ZNF277: variants seen among roughly 807,000 people sequenced by gnomAD.
The protein encoded by ZNF277 is zinc finger protein 277, also known as nuclear receptor-interacting factor 4.
A neutral mutation model predicts 60.7 loss-of-function variants in ZNF277; 55 were observed. The observed-to-expected ratio is 0.91, with a 90% CI of 0.73 to 1.13. ZNF277 has a LOEUF of 1.13. Among genes scored for constraint, ZNF277 ranks in the 50% most tolerant of loss-of-function variants. ZNF277 has a pLI of 0.00. For synonymous variants in ZNF277, 178 were observed against 179.3 expected (o/e 0.99, Z 0.06); for missense variants, 510 against 523.0 (o/e 0.98, Z 0.24).
At chr7:112,252,136 A>T (rs753407872) in intron 1 of ZNF277, among the ~76,000 whole-genome samples, 3 of 152,208 alleles carry the variant, frequency 2.0e-5, no homozygotes, top group Non-Finnish European at 2.9e-5. Flanking sequence ...ACTGAACTAC[A>T]TGTATAGCAA....
At chr7:112,307,083 G>A (rs985036018) in intron 4 of ZNF277, among the ~76,000 whole-genome samples, 2 of 152,082 alleles carry the variant, frequency 1.3e-5, no homozygotes, top group African/African-American at 4.8e-5. Context: ...TGCTTTGTGT[G>A]CTAAAGAATG....
At chr7:112,267,662 T>C (rs1791580449) in intron 1 of ZNF277, among the ~76,000 whole-genome samples, 1 of 152,184 alleles carries the variant, frequency 6.6e-6, no homozygotes, top group Non-Finnish European at 1.5e-5. Context: ...TTCTTCTCTT[T>C]TCCATTTTAT....
In ZNF277 at chr7:112,342,885, A is replaced by C. The variant is rs943495064; in HGVS notation, c.*156A>C. The C allele has an allele frequency of 5.5e-6, 3 of 544,964 alleles. No homozygotes were observed. Among genetic ancestry groups the C allele is most frequent in the Non-Finnish European group, 8.6e-6 (3 of 349,806 alleles). 33.8% of individuals were successfully genotyped at this position (544,964 alleles called of 1,614,324 possible). ...TCAAAAATGAATGTTCTTTTCAAAAAATAAAGTAGAAAAATGCACTTACTA... is the reference window on the plus strand; with the variant it reads ...TCAAAAATGAATGTTCTTTTCAAAACATAAAGTAGAAAAATGCACTTACTA... On this transcript the variant is annotated 3_prime_UTR_variant, in exon 12 of 12. Transcript: ENST00000361822.
chr7:112,250,675 T>C (rs962718006), intron 1 of ZNF277, among the ~76,000 whole-genome samples: 3 of 152,126 alleles, frequency 2.0e-5, no homozygotes, highest in African/African-American at 7.2e-5. Context: ...GGTTCCCCGA[T>C]AGTTGAGAGT....
rs1218205487 is a variant in ZNF277, at chr7:112,337,764, G to A, written c.904G>A (p.Ala302Thr). ...TGATTGGGAAGAACACCCTGCCTCT[G>A]CAGTCTGCTTATTTTGTGAAAAGCA... Reference protein sequence around the residue: ...WSDWEEHPASAVCLFCEKQAE... With the variant: ...WSDWEEHPASTVCLFCEKQAE... Residue 302 changes from alanine (A) to threonine (T), a missense_variant, in exon 9 of 12, where the codon GCA becomes ACA. Coordinates refer to ENST00000361822, the MANE Select transcript of ZNF277 (RefSeq NM_021994.3). 1.2e-6 allele frequency: 2 copies of A among 1,612,248 alleles called. No homozygotes were observed. Among genetic ancestry groups the A allele is most frequent in the African/African-American group, 1.3e-5 (1 of 74,880 alleles).
At chr7:112,329,936 TGA>T (rs1396227275) in intron 6 of ZNF277, 146 bp from the exon 7 acceptor site, 83 of 931,202 alleles carry the variant, frequency 8.9e-5, no homozygotes, top group Non-Finnish European at 1.3e-4. Flanking sequence ...ATGAATAAAG[TGA>T]GGGGGGATTC....
At chr7:112,215,144 G>A (rs1821847722) in intron 1 of ZNF277, among the ~76,000 whole-genome samples, 2 of 152,192 alleles carry the variant, frequency 1.3e-5, no homozygotes, top group South Asian at 4.1e-4. Flanking sequence ...GGAATCAAAA[G>A]GAGCTGTCAG....
At chr7:112,228,256 C>T (rs1822227449) in intron 1 of ZNF277, among the ~76,000 whole-genome samples, 1 of 152,068 alleles carries the variant, frequency 6.6e-6, no homozygotes, top group Non-Finnish European at 1.5e-5. Flanking sequence ...AAGATCCTTA[C>T]TTTAGTTACA....
intron 2 of ZNF277, among the ~76,000 whole-genome samples, chr7:112,294,170 T>C (rs1457533004): frequency 6.6e-6 from 1 of 152,182 alleles, no homozygotes; most frequent in Non-Finnish European, 1.5e-5. Flanking sequence ...CCTCTTGTCT[T>C]CTCTTTCCCC....
At chr7:112,248,099 A>T (rs1455099936) in intron 1 of ZNF277, among the ~76,000 whole-genome samples, 3 of 152,204 alleles carry the variant, frequency 2.0e-5, no homozygotes, top group Non-Finnish European at 2.9e-5. Context: ...TTTAATTTCC[A>T]CCTTGGAGAG....
At chr7:112,326,635 C>T (rs1296984254) in intron 5 of ZNF277, among the ~76,000 whole-genome samples, 1 of 135,298 alleles carries the variant, frequency 7.4e-6, no homozygotes, top group Admixed American at 7.4e-5. Context: ...GTATCTCTTA[C>T]ATAGTTAAAA....
rs771003915 is a variant in ZNF277 at position 112,295,963 on chromosome 7, T to C, written c.382+6T>C. 2.5e-6 allele frequency: 4 copies of C among 1,595,122 alleles called. No individual in the cohort carries two copies. The South Asian group carries it at 3.3e-5, about 13-fold the overall frequency. ...TAATTCCACTGCTCCATTTGGTAAG[T>C]GTACATCTTGGCTACCATCTTTTCC... is the stretch of plus-strand genomic sequence containing the variant. On this transcript the variant is annotated splice_donor_region_variant and intron_variant, in intron 3 of 11. Transcript: ENST00000361822.
chr7:112,243,328 G>A (rs1197426460), intron 1 of ZNF277, among the ~76,000 whole-genome samples: 1 of 151,640 alleles, frequency 6.6e-6, no homozygotes, highest in Non-Finnish European at 1.5e-5. Flanking sequence ...AGATAGACAA[G>A]TTGAACTTAA....
chr7:112,260,581 T>TA (rs1003303489), intron 1 of ZNF277, among the ~76,000 whole-genome samples: 32 of 152,344 alleles, frequency 2.1e-4, no homozygotes, highest in Admixed American at 1.5e-3. Context: ...TAGCGTTATG[T>TA]AACATCAACG....
chr7:112,313,471 T>TG (rs1792776729), intron 4 of ZNF277, among the ~76,000 whole-genome samples: 1 of 151,760 alleles, frequency 6.6e-6, no homozygotes, highest in Non-Finnish European at 1.5e-5. Context: ...TTAGTAATGA[T>TG]GGGGGTCTCC....
At chr7:112,264,919 G>A (rs1791514770) in intron 1 of ZNF277, among the ~76,000 whole-genome samples, 1 of 152,166 alleles carries the variant, frequency 6.6e-6, no homozygotes, top group Admixed American at 6.5e-5. Flanking sequence ...TGCTGGTGCA[G>A]GGTCTTGCCT....
intron 1 of ZNF277, among the ~76,000 whole-genome samples, chr7:112,275,351 A>C (rs1791768635): frequency 6.6e-6 from 1 of 152,204 alleles, no homozygotes; most frequent in Non-Finnish European, 1.5e-5. Flanking sequence ...AAGTATCTTC[A>C]GTAGTGCACA....
At chr7:112,287,205 T>C (rs928566302) in intron 2 of ZNF277, 131 bp downstream of exon 2, 4 of 859,798 alleles carry the variant, frequency 4.7e-6, no homozygotes, top group Non-Finnish European at 7.2e-6. Flanking sequence ...AGATGCCAGC[T>C]CTAAAAACAA....
In ZNF277 at chr7:112,295,909, A is replaced by C; in HGVS notation, c.334A>C (p.Ile112Leu). 6.2e-7 allele frequency: 1 copy of C among 1,613,134 alleles called. No individual in the cohort carries two copies. The highest frequency in any genetic ancestry group is 8.5e-7 in the Non-Finnish European group (1 of 1,179,400). The change falls in exon 3 of 12, where the codon ATC (isoleucine) becomes CTC (leucine). Residue 112 changes from isoleucine (I) to leucine (L), a missense_variant. By Grantham distance (5) the Ile-to-Leu change is conservative. Transcript: ENST00000361822. ...YWRKRFTEQP[I>L]TDFCSVIRIN... Reference sequence around the variant, plus strand: ...GAGGAAAAGGTTCACTGAACAGCCCATCACAGATTTTTGTAGTGTAATAAG... The same window carrying C: ...GAGGAAAAGGTTCACTGAACAGCCCCTCACAGATTTTTGTAGTGTAATAAG...
Sources: allele counts gnomAD v4.1 joint callset (sites outside exome capture counted in the v4.1 genomes callset), GRCh38; gene constraint gnomAD v4.1.1; transcripts MANE v1.5; gene names NCBI Gene and HGNC (gene_info 2026-07-23, HGNC 2026-07-21).